The following C1GALT1 variants were observed in gnomAD, a reference collection of about 807,000 sequenced individuals.
C1GALT1 encodes the protein glycoprotein-N-acetylgalactosamine 3-beta-galactosyltransferase 1.
A neutral mutation model predicts 31.0 loss-of-function variants in C1GALT1; 11 were observed. The ratio of observed to expected loss-of-function variants is 0.36; its 90% confidence interval spans 0.22 to 0.59. The LOEUF is 0.59. Among genes scored for constraint, C1GALT1 ranks in the 20% least tolerant of loss-of-function variants. C1GALT1 has a pLI of 0.79. For synonymous variants in C1GALT1, 175 were observed against 143.6 expected (o/e 1.22, Z -1.56); for missense variants, 424 against 425.2 (o/e 1.00, Z 0.03).
intron 1 of C1GALT1, among the ~76,000 whole-genome samples, chr7:7,219,715 A>G (rs192697766): frequency 2.8e-4 from 43 of 152,302 alleles, no homozygotes; most frequent in African/African-American, 6.7e-4. Flanking sequence ...CCCTTATCCA[A>G]TTGAAATATT....
At chr7:7,243,350 CTAAG>C (rs772768739) in intron 3 of C1GALT1, among the ~76,000 whole-genome samples, 170 bp from the exon 4 acceptor site, 1 of 152,106 alleles carries the variant, frequency 6.6e-6, no homozygotes, top group Non-Finnish European at 1.5e-5. Flanking sequence ...ATTAGGATGT[CTAAG>C]TAAACTATTG....
intron 2 of C1GALT1, among the ~76,000 whole-genome samples, chr7:7,169,478 T>C (rs1780430368): frequency 6.6e-6 from 1 of 152,222 alleles, no homozygotes; most frequent in Admixed American, 6.5e-5. Flanking sequence ...CCACCAGTAA[T>C]GTGCAAATGT....
intron 1 of C1GALT1, among the ~76,000 whole-genome samples, chr7:7,225,082 TTAAAA>T (rs139568041): frequency 0.022 from 3,308 of 152,270 alleles, 99 homozygotes; most frequent in African/African-American, 0.076. Flanking sequence ...GTTAGTTCAC[TTAAAA>T]TAATGCCTGT....
At chr7:7,200,092 G>C (rs1781471702) in intron 1 of C1GALT1, among the ~76,000 whole-genome samples, 1 of 152,172 alleles carries the variant, frequency 6.6e-6, no homozygotes, top group African/African-American at 2.4e-5. Context: ...TATGATGTTA[G>C]CTGGTTATTT....
intron 1 of C1GALT1, among the ~76,000 whole-genome samples, chr7:7,206,472 A>C (rs948425282): frequency 1.3e-5 from 2 of 152,040 alleles, no homozygotes; most frequent in Non-Finnish European, 2.9e-5. Flanking sequence ...GTCGGGAGTC[A>C]AGACCAGCCT....
In C1GALT1 at chr7:7,234,375, G is replaced by A. The variant is rs1360201403; in HGVS notation, c.56G>A (p.Gly19Glu). The part of the protein sequence containing the change: ...FLTFLCGSAI[G>E]FLLCSQLFSI... ...ACCTTCCTCTGTGGATCAGCAATAG[G>A]ATTTCTTTTATGTTCTCAGCTATTT... Residue 19 changes from glycine (G) to glutamate (E), a missense_variant, in exon 2 of 4, where the codon GGA becomes GAA. Physicochemically the swap from Gly to Glu is moderately conservative, Grantham distance 98. This residue lies in a region of C1GALT1 where 189 missense variants were observed against 158.2 expected (regional missense o/e 1.19). Coordinates refer to ENST00000436587, the MANE Select transcript of C1GALT1 (RefSeq NM_020156.5). The A allele has an allele frequency of 6.2e-7, 1 of 1,613,792 alleles. No individual in the cohort carries two copies. The highest frequency in any genetic ancestry group is 8.5e-7 in the Non-Finnish European group (1 of 1,179,930).
At chr7:7,214,407 T>C (rs981909604) in intron 1 of C1GALT1, among the ~76,000 whole-genome samples, 2 of 152,138 alleles carry the variant, frequency 1.3e-5, no homozygotes, top group African/African-American at 4.8e-5. Flanking sequence ...AGAGCCTTTT[T>C]CCAGAAAAAC....
chr7:7,214,911 A>C (rs1782163507), intron 1 of C1GALT1, among the ~76,000 whole-genome samples: 1 of 152,218 alleles, frequency 6.6e-6, no homozygotes. Context: ...TGGAGGCTAC[A>C]AGATTTTGAC....
chr7:7,239,369 T>C (rs1324202209), intron 3 of C1GALT1, among the ~76,000 whole-genome samples: 2 of 152,140 alleles, frequency 1.3e-5, no homozygotes, highest in South Asian at 2.1e-4. Flanking sequence ...GAGGTGACTT[T>C]TGAGCAGAAC....
chr7:7,188,406 A>C (rs1334886778), intron 1 of C1GALT1, among the ~76,000 whole-genome samples: 2 of 152,180 alleles, frequency 1.3e-5, no homozygotes, highest in African/African-American at 4.8e-5. Context: ...GTGAATCTGA[A>C]ACTTGGAGAA....
intron 1 of C1GALT1, chr7:7,209,557 C>G (rs1781897498): frequency 6.6e-6 from 1 of 152,232 alleles, no homozygotes; most frequent in African/African-American, 2.4e-5. Flanking sequence ...CAAGAATAAT[C>G]TGCTTCCAGG....
rs1269170972 is a variant in C1GALT1, at chr7:7,247,705, T to A, written c.*3978T>A. The A allele has an allele frequency of 6.6e-6, 1 of 152,072 alleles. No individual in the cohort carries two copies. Among genetic ancestry groups the A allele is most frequent in the African/African-American group, 2.4e-5 (1 of 41,452 alleles). 9.4% of individuals were successfully genotyped at this position (152,072 alleles called of 1,614,324 possible). The stretch of plus-strand genomic sequence containing the variant: ...TCATTAGACTATAATTCTTTGACAG[T>A]TTCTGCCTGGTGTTTATTGCCCTTC... On this transcript the variant is annotated 3_prime_UTR_variant, in exon 4 of 4. Transcript: ENST00000436587.
At chr7:7,200,127 T>G (rs1781472954) in intron 1 of C1GALT1, among the ~76,000 whole-genome samples, 1 of 152,230 alleles carries the variant, frequency 6.6e-6, no homozygotes, top group Admixed American at 6.5e-5. Context: ...TGCAGTTTCT[T>G]CCTAGCAGCG....
chr7:7,182,004 G>A (rs887625028), upstream of C1GALT1, among the ~76,000 whole-genome samples: 1 of 152,166 alleles, frequency 6.6e-6, no homozygotes, highest in East Asian at 1.9e-4. Context: ...AAGACGAAAT[G>A]TGCCTATAGA....
intron 1 of C1GALT1, among the ~76,000 whole-genome samples, chr7:7,233,252 A>G (rs1783172890): frequency 6.6e-6 from 1 of 152,072 alleles, no homozygotes; most frequent in Admixed American, 6.5e-5. Flanking sequence ...AGTATAGAGC[A>G]GAGGTCAGCA....
intron 1 of C1GALT1, among the ~76,000 whole-genome samples, chr7:7,232,979 T>C (rs955806379): frequency 3.3e-5 from 5 of 152,238 alleles, no homozygotes; most frequent in African/African-American, 4.8e-5. Context: ...AAATAATGTA[T>C]GGACAGCTTC....
At chr7:7,186,488 C>T (rs1425232119) in intron 1 of C1GALT1, among the ~76,000 whole-genome samples, 1 of 152,188 alleles carries the variant, frequency 6.6e-6, no homozygotes, top group Non-Finnish European at 1.5e-5. Context: ...TTTCAGGCTC[C>T]ATCCCAGAAC....
At chr7:7,197,669 C>T (rs1313219985) in intron 1 of C1GALT1, among the ~76,000 whole-genome samples, 1 of 152,128 alleles carries the variant, frequency 6.6e-6, no homozygotes, top group Non-Finnish European at 1.5e-5. Context: ...TCTTCCTATC[C>T]ATGAGCATGG....
In C1GALT1 at chr7:7,189,855, A is replaced by G. The variant is rs138095829; in HGVS notation, c.-18+7035A>G. ...CTTAGAAACATTTGAAATTGTTACT[A>G]GAAAGTAAGGATCCAGCTGGTTTTG... On this transcript the variant is annotated intron_variant, in intron 1 of 3. Coordinates refer to ENST00000436587, the MANE Select transcript of C1GALT1 (RefSeq NM_020156.5). Among the ~76,000 whole-genome samples, 373 of 152,262 alleles carry G rather than the reference A, an allele frequency of 2.4e-3. 8 individuals carry two copies. The highest frequency in any genetic ancestry group is 0.016 in the Admixed American group (240 of 15,298).
Sources: gnomAD v4.1 joint callset for allele counts (sites outside exome capture counted in the v4.1 genomes callset) on GRCh38, gnomAD v4.1.1 for gene constraint, gnomAD v4.1.1 regional missense constraint, MANE v1.5 for transcripts, NCBI Gene and HGNC (gene_info 2026-07-23, HGNC 2026-07-21) for gene names.